SPIDR: variants seen among roughly 807,000 people sequenced by gnomAD.
SPIDR encodes DNA repair-scaffolding protein.
A neutral mutation model predicts 104.6 loss-of-function variants in SPIDR; 93 were observed. The observed-to-expected ratio is 0.89, with a 90% CI of 0.75 to 1.06. SPIDR has a LOEUF of 1.06. Ranked by LOEUF, SPIDR falls within the 50% of genes least tolerant of loss-of-function variation. The probability of loss-of-function intolerance (pLI) is 0.00; values close to 1 mark genes in which losing one functional copy is unlikely to be tolerated. For missense variants in SPIDR, 1,154 were observed against 1,111.2 expected (o/e 1.04, Z -0.55); for synonymous variants, 431 against 416.9 (o/e 1.03, Z -0.41).
Position 47,673,830 on chromosome 8 carries a change from G to A in SPIDR, c.1574G>A (p.Gly525Glu). 3 of 1,614,150 alleles carry A rather than the reference G, an allele frequency of 1.9e-6. No homozygotes were observed. The highest frequency in any genetic ancestry group is 2.5e-6 in the Non-Finnish European group (3 of 1,180,028). The change falls in exon 11 of 20, where the codon GGA (glycine) becomes GAA (glutamate). Residue 525 changes from glycine to glutamate, a missense_variant. Physicochemically the swap from Gly to Glu is moderately conservative, Grantham distance 98. Transcript: ENST00000297423. Reference protein sequence around the residue: ...RACLLVQDACGMFGEVHLEFT... With the variant: ...RACLLVQDACEMFGEVHLEFT... The stretch of plus-strand genomic sequence containing the variant: ...TGCCTTCTGGTACAAGATGCCTGTG[G>A]AATGTTCGGTGAAGTGCACTTGGAG...
chr8:47,373,085 T>C (rs1389745225), intron 5 of SPIDR, among the ~76,000 whole-genome samples: 2 of 152,200 alleles, frequency 1.3e-5, no homozygotes, highest in Admixed American at 6.5e-5. Flanking sequence ...CCTGAAAATA[T>C]TCAGTACACT....
intron 8 of SPIDR, among the ~76,000 whole-genome samples, chr8:47,473,909 A>G (rs2076002533): frequency 6.6e-6 from 1 of 152,194 alleles, no homozygotes; most frequent in Non-Finnish European, 1.5e-5. Flanking sequence ...AAATGGTTGG[A>G]AAGTTTTTAT....
intron 5 of SPIDR, among the ~76,000 whole-genome samples, chr8:47,357,118 G>A (rs1554626302): frequency 1.3e-5 from 2 of 152,196 alleles, no homozygotes; most frequent in African/African-American, 4.8e-5. Context: ...TTGAGTGCTT[G>A]TGTAACATAT....
Position 47,416,376 on chromosome 8 carries a change from C to T in SPIDR, c.877+8415C>T, listed in dbSNP as rs140669095. 2.8e-3 allele frequency among the ~76,000 whole-genome samples: 432 copies of T among 152,214 alleles called. 3 individuals carry two copies. The highest frequency in any genetic ancestry group is 9.6e-3 in the African/African-American group (399 of 41,544). On this transcript the variant is annotated intron_variant, in intron 7 of 19. Transcript: ENST00000297423. ...TGTCAATAACCCACTCCGTATTGCT[C>T]GGTAGTATTCCATGGTACAAATGTG...
intron 8 of SPIDR, among the ~76,000 whole-genome samples, chr8:47,544,749 T>G (rs567312090): frequency 6.2e-4 from 94 of 152,378 alleles, no homozygotes; most frequent in African/African-American, 2.2e-3. Flanking sequence ...TGTCTTGAAA[T>G]CACGTTCATA....
Position 47,553,612 on chromosome 8 carries a change from T to A in SPIDR, c.1098-42199T>A, listed in dbSNP as rs1328008271. 2.6e-5 allele frequency among the ~76,000 whole-genome samples: 4 copies of A among 152,182 alleles called. No homozygotes were observed. The East Asian group carries it at 7.7e-4, about 29-fold the overall frequency. On this transcript the variant is annotated intron_variant, in intron 8 of 19. Coordinates refer to ENST00000297423, the MANE Select transcript of SPIDR (RefSeq NM_001080394.4). ...AGCTCCATCAGATCATGTAAGGTCT[T>A]CTCTACACTCTTTATTCTAGTTAGC...
chr8:47,669,508 A>C (rs978374308), intron 10 of SPIDR, among the ~76,000 whole-genome samples: 2 of 152,186 alleles, frequency 1.3e-5, no homozygotes, highest in African/African-American at 4.8e-5. Context: ...GAAGAGTGAT[A>C]ACTCGTCTCT....
At chr8:47,464,011 C>T (rs1231804070) in intron 8 of SPIDR, among the ~76,000 whole-genome samples, 1 of 151,884 alleles carries the variant, frequency 6.6e-6, no homozygotes, top group Non-Finnish European at 1.5e-5. Flanking sequence ...GACCAAAGCA[C>T]TTAGGCAAGA....
chr8:47,423,010 A>T (rs1358138090), intron 7 of SPIDR, among the ~76,000 whole-genome samples: 4 of 152,190 alleles, frequency 2.6e-5, no homozygotes, highest in Non-Finnish European at 4.4e-5. Flanking sequence ...TTTGACTTTA[A>T]AAGAACAGCC....
chr8:47,699,561 C>CT (rs1232787044), intron 11 of SPIDR, among the ~76,000 whole-genome samples: 535 of 148,296 alleles, frequency 3.6e-3, no homozygotes, highest in African/African-American at 0.012. Context: ...CTTCAGATAA[C>CT]TTTTTTTTTT....
chr8:47,702,496 A>G (rs925407507), intron 14 of SPIDR, among the ~76,000 whole-genome samples: 4 of 152,128 alleles, frequency 2.6e-5, no homozygotes, highest in Non-Finnish European at 5.9e-5. Context: ...AAGCCCCCCC[A>G]TCCCACCTCC....
At chr8:47,412,136 G>A (rs574145028) in intron 7 of SPIDR, among the ~76,000 whole-genome samples, 28 of 152,186 alleles carry the variant, frequency 1.8e-4, no homozygotes, top group Admixed American at 7.9e-4. Flanking sequence ...TTGGCAATGC[G>A]GGCTCTTTTT....
intron 8 of SPIDR, among the ~76,000 whole-genome samples, chr8:47,466,699 A>G (rs2074837437): frequency 1.3e-5 from 2 of 151,304 alleles, no homozygotes; most frequent in African/African-American, 4.9e-5. Flanking sequence ...CGTCTCTACG[A>G]AAAATACAAA....
intron 10 of SPIDR, among the ~76,000 whole-genome samples, chr8:47,665,561 AC>A (rs2074796034): frequency 6.6e-6 from 1 of 152,254 alleles, no homozygotes; most frequent in South Asian, 2.1e-4. Context: ...ATTAGTTTGT[AC>A]TATATAAATA....
At chr8:47,505,242 GAGGCAGGC>G (rs1204585850) in intron 8 of SPIDR, among the ~76,000 whole-genome samples, 1 of 152,164 alleles carries the variant, frequency 6.6e-6, no homozygotes, top group Admixed American at 6.5e-5. Context: ...GGAGGCTACA[GAGGCAGGC>G]AGGCAGGCCT....
intron 8 of SPIDR, among the ~76,000 whole-genome samples, chr8:47,544,816 A>G (rs138641644): frequency 1.7e-3 from 263 of 152,296 alleles, no homozygotes; most frequent in Middle Eastern, 0.01. Flanking sequence ...GCTTTGTCAT[A>G]TAAATTTTAG....
chr8:47,486,879 G>A (rs1357603104), intron 8 of SPIDR, among the ~76,000 whole-genome samples: 1 of 152,176 alleles, frequency 6.6e-6, no homozygotes, highest in Non-Finnish European at 1.5e-5. Flanking sequence ...ACAACTGGTA[G>A]CAGCCACTGC....
chr8:47,665,787 T>A (rs1342671479), intron 10 of SPIDR, among the ~76,000 whole-genome samples: 1 of 152,204 alleles, frequency 6.6e-6, no homozygotes, highest in African/African-American at 2.4e-5. Flanking sequence ...ATCAAGGAGA[T>A]TGAACACAGT....
chr8:47,573,632 C>T (rs1015626614), intron 8 of SPIDR, among the ~76,000 whole-genome samples: 6 of 152,176 alleles, frequency 3.9e-5, no homozygotes, highest in Admixed American at 1.3e-4. Flanking sequence ...ATTCCTGCCC[C>T]GGATGTTTTC....
Sources: gnomAD v4.1 joint callset for allele counts (sites outside exome capture counted in the v4.1 genomes callset) on GRCh38, gnomAD v4.1.1 for gene constraint, MANE v1.5 for transcripts, NCBI Gene and HGNC (gene_info 2026-07-23, HGNC 2026-07-21) for gene names.